Variants in SLC6A11 observed in about 807,000 individuals in gnomAD.
SLC6A11 encodes the protein sodium- and chloride-dependent GABA transporter 3.
In SLC6A11, 25 loss-of-function variants were observed where a neutral mutation model predicts 74.8. The observed-to-expected ratio is 0.33, with a 90% CI of 0.24 to 0.47. The LOEUF is 0.47. SLC6A11 is among the 20% of genes least tolerant of loss of function. SLC6A11 has a pLI of 1.00. For missense variants in SLC6A11, 574 were observed against 837.0 expected (o/e 0.69, Z 3.88); for synonymous variants, 330 against 330.2 (o/e 1.00, Z 0.01).
In SLC6A11 at chr3:10,926,136, G is replaced by A. The variant is rs1417479956; in HGVS notation, c.1233+20G>A. The A allele has an allele frequency of 6.5e-7, 1 of 1,540,772 alleles. No homozygotes were observed. The highest frequency in any genetic ancestry group is 9.0e-7 in the Non-Finnish European group (1 of 1,116,070). On this transcript the variant is annotated intron_variant, in intron 9 of 13. Coordinates refer to ENST00000254488, the MANE Select transcript of SLC6A11 (RefSeq NM_014229.3). The surrounding 1 kb of genome is among the most constrained non-coding windows in gnomAD (Gnocchi z 5.7). ...AGCCAGGTAAGGGGCCATGGGGATG[G>A]GGAGCCCAGGAGGGAGGGGAGCCTG...
intron 4 of SLC6A11, among the ~76,000 whole-genome samples, chr3:10,832,436 A>C (rs1264401441): frequency 6.6e-6 from 1 of 152,044 alleles, no homozygotes; most frequent in Non-Finnish European, 1.5e-5. Flanking sequence ...TCACCAAAGC[A>C]AACCCAGATC....
chr3:10,885,371 T>A (rs1695030326), intron 6 of SLC6A11, among the ~76,000 whole-genome samples: 1 of 152,098 alleles, frequency 6.6e-6, no homozygotes, highest in African/African-American at 2.4e-5. Context: ...CTGCCTCCCC[T>A]ATAAATCTCA....
chr3:10,939,637 C>T lies in SLC6A11; in HGVS notation c.*1235C>T, dbSNP rs1048493913. On this transcript the variant is annotated 3_prime_UTR_variant, in exon 14 of 14. Coordinates refer to ENST00000254488, the MANE Select transcript of SLC6A11 (RefSeq NM_014229.3). ...TTCTCTCCCATCCTTGCCCCTGGTT[C>T]AGGAGCCATTCTACCTGCCTCAGTG... 6.6e-6 allele frequency: 1 copy of T among 152,298 alleles called. No homozygotes were observed. Among genetic ancestry groups the T allele is most frequent in the Non-Finnish European group, 1.5e-5 (1 of 68,092 alleles). 9.4% of individuals were successfully genotyped at this position (152,298 alleles called of 1,614,324 possible).
intron 9 of SLC6A11, among the ~76,000 whole-genome samples, chr3:10,927,306 G>A (rs530455218): frequency 3.9e-5 from 6 of 152,286 alleles, no homozygotes; most frequent in Admixed American, 3.3e-4. Context: ...GCCCCGGCTC[G>A]GCGAGTCCCT....
intron 6 of SLC6A11, among the ~76,000 whole-genome samples, chr3:10,885,163 T>A (rs1695028038): frequency 1.3e-5 from 2 of 152,234 alleles, no homozygotes; most frequent in Admixed American, 1.3e-4. Flanking sequence ...GAATGCATTT[T>A]CCTTTAATTA....
chr3:10,836,856 G>A (rs528601335), intron 4 of SLC6A11, among the ~76,000 whole-genome samples: 2 of 152,294 alleles, frequency 1.3e-5, no homozygotes, highest in African/African-American at 4.8e-5. Context: ...GCCTGTTTTT[G>A]TAAATAAAGT....
At chr3:10,864,187 T>C (rs76349687) in intron 5 of SLC6A11, among the ~76,000 whole-genome samples, 6,017 of 151,974 alleles carry the variant, frequency 0.04, 170 homozygotes, top group Middle Eastern at 0.078. Context: ...CTCTCAGGAC[T>C]GGAATGAGCC....
chr3:10,936,281 G>T (rs1299701723), intron 13 of SLC6A11, among the ~76,000 whole-genome samples: 8 of 152,222 alleles, frequency 5.3e-5, no homozygotes, highest in Non-Finnish European at 1.0e-4. Context: ...ACTTGCCCAA[G>T]GGCACACAGC....
intron 6 of SLC6A11, among the ~76,000 whole-genome samples, chr3:10,903,849 A>G (rs1359415700): frequency 6.6e-6 from 1 of 152,218 alleles, no homozygotes; most frequent in Non-Finnish European, 1.5e-5. Flanking sequence ...CTGCCCACAT[A>G]TGCACAATGA....
At chr3:10,894,816 C>A (rs1049110138) in intron 6 of SLC6A11, among the ~76,000 whole-genome samples, 1 of 152,136 alleles carries the variant, frequency 6.6e-6, no homozygotes, top group Non-Finnish European at 1.5e-5. Context: ...CACAAAAAAA[C>A]CAAGGCAATG....
At chr3:10,929,592 G>A (rs1003599121) in intron 10 of SLC6A11, among the ~76,000 whole-genome samples, 7 of 152,180 alleles carry the variant, frequency 4.6e-5, no homozygotes, top group African/African-American at 1.7e-4. Context: ...ACTCACCAGG[G>A]GAACGCTGGG....
chr3:10,882,529 G>A (rs1286173489), intron 6 of SLC6A11, among the ~76,000 whole-genome samples: 2 of 152,158 alleles, frequency 1.3e-5, no homozygotes, highest in African/African-American at 4.8e-5. Flanking sequence ...TACTTGCCCT[G>A]TTCAATCTCC....
intron 5 of SLC6A11, among the ~76,000 whole-genome samples, chr3:10,860,302 CA>C (rs763067159): frequency 6.6e-6 from 1 of 152,206 alleles, no homozygotes; most frequent in Non-Finnish European, 1.5e-5. Flanking sequence ...TGGTCCCTTC[CA>C]TTCCGGCAGT....
intron 5 of SLC6A11, among the ~76,000 whole-genome samples, chr3:10,863,042 T>C (rs954366385): frequency 1.3e-5 from 2 of 152,264 alleles, no homozygotes; most frequent in Admixed American, 6.5e-5. Context: ...TGTCCTGTTA[T>C]GTTCTGTTTG....
intron 5 of SLC6A11, among the ~76,000 whole-genome samples, chr3:10,863,287 G>A (rs1037636445): frequency 5.9e-5 from 9 of 152,212 alleles, no homozygotes; most frequent in Non-Finnish European, 1.2e-4. Flanking sequence ...GAGGGCTAAT[G>A]TGTCAGGTCA....
chr3:10,920,715 G>T (rs1451356884), intron 8 of SLC6A11, among the ~76,000 whole-genome samples: 1 of 152,208 alleles, frequency 6.6e-6, no homozygotes, highest in Non-Finnish European at 1.5e-5. Flanking sequence ...CTTTTACAGT[G>T]CCTATCACAG....
chr3:10,871,948 T>G (rs540208427), intron 5 of SLC6A11, among the ~76,000 whole-genome samples: 28 of 152,356 alleles, frequency 1.8e-4, no homozygotes, highest in African/African-American at 6.3e-4. Flanking sequence ...TCAGGTTATG[T>G]CCACAGGACC....
At chr3:10,861,052 G>C (rs1043415918) in intron 5 of SLC6A11, among the ~76,000 whole-genome samples, 4 of 152,186 alleles carry the variant, frequency 2.6e-5, no homozygotes, top group African/African-American at 9.7e-5. Context: ...AATAGGATCC[G>C]GGTGAGGCCC....
At chr3:10,846,350 G>A (rs1300394060) in intron 5 of SLC6A11, among the ~76,000 whole-genome samples, 1 of 152,176 alleles carries the variant, frequency 6.6e-6, no homozygotes, top group East Asian at 1.9e-4. Flanking sequence ...TACTACTTTT[G>A]CTGTGGTTAC....
Sources: gnomAD v4.1 joint callset for allele counts (sites outside exome capture counted in the v4.1 genomes callset) on GRCh38, gnomAD v4.1.1 for gene constraint, Gnocchi (gnomAD v3.1) non-coding constraint, MANE v1.5 for transcripts, NCBI Gene and HGNC (gene_info 2026-07-23, HGNC 2026-07-21) for gene names.